The following FSTL5 variants were observed in gnomAD, a reference collection of about 807,000 sequenced individuals.
FSTL5 encodes the protein follistatin like 5, also known as follistatin-related protein 5.
FSTL5 carries 62 observed loss-of-function variants against 89.1 expected under a neutral mutation model. That is an observed-to-expected ratio of 0.70 (90% confidence interval 0.57 to 0.86). FSTL5 has a LOEUF of 0.86. Ranked by LOEUF, FSTL5 falls within the 40% of genes least tolerant of loss-of-function variation. The pLI is 0.00. For synonymous variants in FSTL5, 383 were observed against 346.2 expected, an observed-to-expected ratio of 1.11 and a Z score of -1.18; for missense variants, 1,057 against 1,001.6, an observed-to-expected ratio of 1.06 and a Z score of -0.75.
rs771973713 is a variant in FSTL5 at position 161,920,690 on chromosome 4, A to G, written c.161-38T>C. On this transcript the variant is annotated intron_variant, in intron 3 of 15. Coordinates refer to ENST00000306100, the MANE Select transcript of FSTL5 (RefSeq NM_020116.5). ...AAAAAAATTGAAAATCGTTTGGTTC[A>G]TTTGTCCAAATAATATATATATTTC... 13 of 1,558,398 alleles carry G rather than the reference A, an allele frequency of 8.3e-6. No individual in the cohort carries two copies. The East Asian group carries it at 2.5e-4, about 30-fold the overall frequency.
chr4:161,600,200 A>ACACACAC (rs1395832923), intron 7 of FSTL5, among the ~76,000 whole-genome samples: 12 of 89,406 alleles, frequency 1.3e-4, no homozygotes, highest in South Asian at 7.2e-4. Context: ...CACACACACA[A>ACACACAC]ACAGTATGCC....
chr4:161,791,868 C>T (rs867333063), intron 4 of FSTL5, among the ~76,000 whole-genome samples: 2 of 152,194 alleles, frequency 1.3e-5, no homozygotes, highest in Admixed American at 6.5e-5. Flanking sequence ...CCATCTGGAG[C>T]AGCAGCTGCA....
At chr4:161,523,836 G>T (rs1378862210) in intron 10 of FSTL5, among the ~76,000 whole-genome samples, 2 of 151,976 alleles carry the variant, frequency 1.3e-5, no homozygotes. Context: ...ATAAAATCCA[G>T]CATAAAAATG....
chr4:161,722,975 G>C (rs1041631398), intron 6 of FSTL5, among the ~76,000 whole-genome samples: 3 of 152,110 alleles, frequency 2.0e-5, no homozygotes, highest in Admixed American at 2.0e-4. Flanking sequence ...TAGGGGACCA[G>C]CTACATTTCT....
intron 8 of FSTL5, among the ~76,000 whole-genome samples, chr4:161,560,931 T>TTTA (rs1394645814): frequency 6.6e-6 from 1 of 151,846 alleles, no homozygotes; most frequent in African/African-American, 2.4e-5. Context: ...AACATAGTCA[T>TTTA]TTATTATTAT....
chr4:161,825,867 T>C (rs1206146874), intron 4 of FSTL5, among the ~76,000 whole-genome samples: 1 of 152,154 alleles, frequency 6.6e-6, no homozygotes, highest in Non-Finnish European at 1.5e-5. Flanking sequence ...TTTTGTATTT[T>C]TTTATTTCAT....
rs1043425578 is a variant in FSTL5 at position 161,384,352 on chromosome 4, T to A, written c.*1395A>T. Reference sequence around the variant, plus strand: ...TTGCAACAATAAAAACAAAAATAAGTACAAGGATTTTCAAAACATGTAAGC... The same window carrying A: ...TTGCAACAATAAAAACAAAAATAAGAACAAGGATTTTCAAAACATGTAAGC... On this transcript the variant is annotated 3_prime_UTR_variant, in exon 16 of 16. Coordinates refer to ENST00000306100, the MANE Select transcript of FSTL5 (RefSeq NM_020116.5). 1.3e-5 allele frequency: 2 copies of A among 152,138 alleles called. No homozygotes were observed. Among genetic ancestry groups the A allele is most frequent in the African/African-American group, 4.8e-5 (2 of 41,462 alleles). 9.4% of individuals were successfully genotyped at this position (152,138 alleles called of 1,614,324 possible).
At chr4:161,567,872 C>T (rs572338060) in intron 8 of FSTL5, among the ~76,000 whole-genome samples, 16 of 152,086 alleles carry the variant, frequency 1.1e-4, no homozygotes, top group African/African-American at 2.9e-4. Context: ...TGTTTTATTG[C>T]TAACTTAATT....
At chr4:162,104,923 C>T (rs1731158075) in intron 2 of FSTL5, among the ~76,000 whole-genome samples, 1 of 152,148 alleles carries the variant, frequency 6.6e-6, no homozygotes, top group Non-Finnish European at 1.5e-5. Context: ...AACAATACTA[C>T]CCCTTGTCAA....
intron 11 of FSTL5, among the ~76,000 whole-genome samples, chr4:161,506,477 T>A (rs1029225614): frequency 1.3e-5 from 2 of 152,164 alleles, no homozygotes; most frequent in Non-Finnish European, 2.9e-5. Context: ...TTTGGTTACA[T>A]GATTAAGTTC....
chr4:161,612,265 T>C (rs1213075104), intron 7 of FSTL5, among the ~76,000 whole-genome samples: 2 of 152,186 alleles, frequency 1.3e-5, no homozygotes, highest in African/African-American at 2.4e-5. Context: ...AATGGAAGTA[T>C]TGTACTCATG....
intron 3 of FSTL5, among the ~76,000 whole-genome samples, chr4:161,937,462 A>G (rs529109429): frequency 6.3e-4 from 96 of 152,304 alleles, no homozygotes; most frequent in Middle Eastern, 3.4e-3. Flanking sequence ...GAATAGACAC[A>G]TATCATGGCA....
chr4:162,119,310 TAATTATTCATACTG>T (rs746743830), intron 1 of FSTL5, among the ~76,000 whole-genome samples: 7 of 151,966 alleles, frequency 4.6e-5, no homozygotes, highest in African/African-American at 1.7e-4. Flanking sequence ...AAAAAACAAC[TAATTATTCATACTG>T]AATACTTCTG....
intron 5 of FSTL5, among the ~76,000 whole-genome samples, chr4:161,773,938 C>T (rs1741300701): frequency 6.6e-6 from 1 of 152,084 alleles, no homozygotes; most frequent in South Asian, 2.1e-4. Flanking sequence ...TGGAATCAGC[C>T]CACATCCATC....
At chr4:161,868,476 G>T (rs940564247) in intron 4 of FSTL5, among the ~76,000 whole-genome samples, 2 of 152,090 alleles carry the variant, frequency 1.3e-5, no homozygotes, top group Admixed American at 6.6e-5. Flanking sequence ...ACCCAGCCTT[G>T]CCCGAACGAC....
chr4:161,779,797 A>ATG lies in FSTL5; in HGVS notation c.410-3724_410-3723insCA, dbSNP rs1560840948. 1.7e-3 allele frequency among the ~76,000 whole-genome samples: 90 copies of ATG among 52,192 alleles called. 7 individuals carry two copies. The South Asian group carries it at 0.046, about 26-fold the overall frequency. 34.2% of individuals were successfully genotyped at this position (52,192 alleles called of 152,430 possible). A position where few individuals can be genotyped will look rare whatever the true frequency, so the allele number is the denominator to read the frequency against. On this transcript the variant is annotated intron_variant, in intron 4 of 15. Transcript: ENST00000306100. ...TATGTATATATATATATATATATAT[A>ATG]TATATATATATATGTATATATATAT...
chr4:161,762,617 G>A (rs1740846801), intron 5 of FSTL5, among the ~76,000 whole-genome samples: 1 of 151,968 alleles, frequency 6.6e-6, no homozygotes, highest in African/African-American at 2.4e-5. Flanking sequence ...TGATATAAAA[G>A]GTAATAAGTG....
At chr4:162,056,192 T>A (rs898044305) in intron 2 of FSTL5, among the ~76,000 whole-genome samples, 6 of 151,958 alleles carry the variant, frequency 3.9e-5, no homozygotes, top group Admixed American at 3.3e-4. Context: ...TCTCAGAATA[T>A]ATAAAGCACT....
chr4:161,439,243 A>C (rs1228686810), intron 15 of FSTL5, among the ~76,000 whole-genome samples: 1 of 152,248 alleles, frequency 6.6e-6, no homozygotes. Flanking sequence ...ACATGCCTCT[A>C]CAGAACAAAC....
Sources: gnomAD v4.1 joint callset for allele counts (sites outside exome capture counted in the v4.1 genomes callset) on GRCh38, gnomAD v4.1.1 for gene constraint, MANE v1.5 for transcripts, NCBI Gene and HGNC (gene_info 2026-07-23, HGNC 2026-07-21) for gene names.